RINT1: variants seen among roughly 807,000 people sequenced by gnomAD.
The protein encoded by RINT1 is RAD50-interacting protein 1.
In RINT1, 75 loss-of-function variants were observed where a neutral mutation model predicts 97.7. The ratio of observed to expected loss-of-function variants is 0.77; its 90% CI spans 0.64 to 0.93. The LOEUF (loss-of-function observed/expected upper bound fraction) is 0.93. RINT1 is among the 40% of genes least tolerant of loss of function. The probability of loss-of-function intolerance (pLI) is 0.00; values close to 1 mark genes in which losing one functional copy is unlikely to be tolerated. For missense variants in RINT1, 892 were observed against 925.2 expected (o/e 0.96, Z 0.47); for synonymous variants, 303 against 326.3 (o/e 0.93, Z 0.77).
chr7:105,557,138 A>G (rs980867081), intron 11 of RINT1, among the ~76,000 whole-genome samples: 3 of 152,106 alleles, frequency 2.0e-5, no homozygotes, highest in African/African-American at 7.2e-5. Context: ...AAAGAAACTA[A>G]CTATACGGAA....
Position 105,550,380 on chromosome 7 carries a change from A to T in RINT1, c.1227A>T (p.Glu409Asp). ...CHLVDEVLLF[E>D]RELHSVHGYP... ...TGGTGGATGAAGTACTCTTGTTTGAAAGGGAGCTACACAGTGTTCATGGCT... is the reference window on the plus strand; with the variant it reads ...TGGTGGATGAAGTACTCTTGTTTGATAGGGAGCTACACAGTGTTCATGGCT... Residue 409 changes from glutamate to aspartate, a missense_variant, in exon 9 of 15, where the codon GAA becomes GAT. Glu to Asp is a conservative substitution (Grantham distance 45, BLOSUM62 2). Transcript: ENST00000257700. 1 of 1,614,114 alleles carries T rather than the reference A, an allele frequency of 6.2e-7. No homozygotes were observed. The highest frequency in any genetic ancestry group is 8.5e-7 in the Non-Finnish European group (1 of 1,180,014).
chr7:105,535,703 C>A (rs1790204799), intron 2 of RINT1: 3 of 360,712 alleles, frequency 8.3e-6, no homozygotes, highest in Non-Finnish European at 1.6e-5. Flanking sequence ...TGTGTTCCAC[C>A]ATTCCTGGCT....
chr7:105,563,175 G>C (rs1791514364), intron 11 of RINT1, among the ~76,000 whole-genome samples: 2 of 152,120 alleles, frequency 1.3e-5, no homozygotes, highest in Non-Finnish European at 2.9e-5. Context: ...TACGTTGTAT[G>C]ATTTCATTTA....
Position 105,544,519 on chromosome 7 carries a change from C to A in RINT1, c.515+1870C>A, listed in dbSNP as rs566633463. Among the ~76,000 whole-genome samples, 28 of 152,084 alleles carry A rather than the reference C, an allele frequency of 1.8e-4. No homozygotes were observed. The South Asian group carries it at 5.2e-3, about 28-fold the overall frequency. On this transcript the variant is annotated intron_variant, in intron 4 of 14. Coordinates refer to ENST00000257700, the MANE Select transcript of RINT1 (RefSeq NM_021930.6). ...GCACAATCTCAGCTCACTGCAACCT[C>A]CACCTCCCGGGTTCAAGCGATTCTC... is the stretch of plus-strand genomic sequence containing the variant.
At chr7:105,535,540 CTTTT>C (rs1562839060) in intron 2 of RINT1, 2 of 450,586 alleles carry the variant, frequency 4.4e-6, no homozygotes, top group East Asian at 7.0e-5. Context: ...ACCTTTTTTA[CTTTT>C]TTGTTTGTTT....
At chr7:105,566,239 A>G (rs1791734831) in intron 14 of RINT1, 1 of 148,202 alleles carries the variant, frequency 6.7e-6, no homozygotes, top group Non-Finnish European at 1.5e-5. Flanking sequence ...GACTGTCTCA[A>G]AAAAAAAAAA....
intron 11 of RINT1, among the ~76,000 whole-genome samples, chr7:105,556,176 C>T (rs1314163814): frequency 1.3e-5 from 2 of 151,296 alleles, no homozygotes; most frequent in Non-Finnish European, 2.9e-5. Context: ...AAGGGATTAT[C>T]CTGCCTCAGC....
chr7:105,567,570 A>G lies in RINT1; in HGVS notation c.*259A>G. ...TATAAATGCTGAGTATGTCTGTTGA[A>G]GACGAGCAGAGATATTAAATTATAA... On this transcript the variant is annotated 3_prime_UTR_variant, in exon 15 of 15. Coordinates refer to ENST00000257700, the MANE Select transcript of RINT1 (RefSeq NM_021930.6). 1.6e-6 allele frequency: 1 copy of G among 615,562 alleles called. No homozygotes were observed. The highest frequency in any genetic ancestry group is 2.8e-5 in the East Asian group (1 of 36,212). 38.1% of individuals were successfully genotyped at this position (615,562 alleles called of 1,614,324 possible).
intron 4 of RINT1, 143 bp downstream of exon 4, chr7:105,542,792 T>C: frequency 1.1e-6 from 1 of 879,962 alleles, no homozygotes; most frequent in South Asian, 2.9e-5. Flanking sequence ...AATAGCATTA[T>C]GATAATGATT....
intron 2 of RINT1, among the ~76,000 whole-genome samples, chr7:105,534,102 A>C (rs908606382): frequency 2.0e-5 from 3 of 150,852 alleles, no homozygotes; most frequent in Admixed American, 6.6e-5. Context: ...ACTTAGTCTC[A>C]CTCTGTCTCT....
rs2133348767 is a variant in RINT1, at chr7:105,532,807, ATC to A, written c.43-15_43-14del. On this transcript the variant is annotated splice_polypyrimidine_tract_variant and intron_variant, in intron 1 of 14. Coordinates refer to ENST00000257700, the MANE Select transcript of RINT1 (RefSeq NM_021930.6). ...ACTTTAATCTTAATGTGCTTGTCAC[ATC>A]TGTTCTTCTTCTAGTGCTGCTCTGA... The A allele has an allele frequency of 6.2e-7, 1 of 1,613,904 alleles. No homozygotes were observed. The highest frequency in any genetic ancestry group is 8.5e-7 in the Non-Finnish European group (1 of 1,179,858).
chr7:105,536,770 A>C (rs1790253985), intron 3 of RINT1, 21 bp downstream of exon 3: 1 of 1,452,810 alleles, frequency 6.9e-7, no homozygotes, highest in Non-Finnish European at 9.3e-7. Context: ...AAACTCACTG[A>C]AATAATTATC....
intron 6 of RINT1, among the ~76,000 whole-genome samples, chr7:105,547,718 CTTTTT>C (rs34938925): frequency 8.6e-6 from 1 of 116,176 alleles, no homozygotes; most frequent in Non-Finnish European, 1.7e-5. Context: ...CATTTTTGTG[CTTTTT>C]TTTTTTTTTT....
chr7:105,558,875 G>A (rs561657843), intron 11 of RINT1, among the ~76,000 whole-genome samples: 59 of 152,048 alleles, frequency 3.9e-4, no homozygotes, highest in Non-Finnish European at 7.1e-4. Flanking sequence ...TGGGAAGATT[G>A]CTTGAGCCCG....
chr7:105,548,580 A>C lies in RINT1; in HGVS notation c.866A>C (p.Gln289Pro), dbSNP rs747465384. The stretch of plus-strand genomic sequence containing the variant: ...GATGAATTACTTACTGAGCCAAAGC[A>C]ACTCCCAGAAAAATACTCTCTTCCT... The part of the protein sequence containing the change: ...TSDELLTEPK[Q>P]LPEKYSLPAS... The change falls in exon 7 of 15, where the codon CAA (glutamine) becomes CCA (proline). Residue 289 changes from glutamine to proline, a missense_variant. Gln to Pro is a moderately conservative substitution (Grantham distance 76). Coordinates refer to ENST00000257700, the MANE Select transcript of RINT1 (RefSeq NM_021930.6). The C allele has an allele frequency of 2.2e-5, 36 of 1,614,048 alleles. No homozygotes were observed. The highest frequency in any genetic ancestry group is 3.0e-5 in the Non-Finnish European group (35 of 1,180,032).
rs746864752 is a variant in RINT1 at position 105,565,357 on chromosome 7, G to T, written c.1967G>T (p.Arg656Leu). Reference sequence around the variant, plus strand: ...GCTTGCCCGTTGCTGCTGACGTTACGAGACCATTTACTTCAGTTGGAGCAG... The same window carrying T: ...GCTTGCCCGTTGCTGCTGACGTTACTAGACCATTTACTTCAGTTGGAGCAG... Reference protein sequence around the residue: ...SSACPLLLTLRDHLLQLEQQL... With the variant: ...SSACPLLLTLLDHLLQLEQQL... The change falls in exon 13 of 15, where the codon CGA becomes CTA. Residue 656 changes from arginine (R) to leucine (L), a missense_variant. Transcript: ENST00000257700. 1 of 1,614,166 alleles carries T rather than the reference G, an allele frequency of 6.2e-7. No individual in the cohort carries two copies. The highest frequency in any genetic ancestry group is 1.7e-5 in the Admixed American group (1 of 60,016).
At chr7:105,566,629 G>A (rs1226160809) in intron 14 of RINT1, 1 of 151,756 alleles carries the variant, frequency 6.6e-6, no homozygotes, top group Non-Finnish European at 1.5e-5. Flanking sequence ...GACAGAGCAA[G>A]ACCATGTCTC....
intron 10 of RINT1, 64 bp from the exon 11 acceptor site, chr7:105,554,953 GACAGTAGGGAA>G (rs1791110591): frequency 8.9e-7 from 1 of 1,125,970 alleles, no homozygotes; most frequent in African/African-American, 1.6e-5. Flanking sequence ...ACTGAAGCAG[GACAGTAGGGAA>G]AACTTATAAC....
At chr7:105,566,953 G>C in intron 14 of RINT1, 166 bp from the exon 15 acceptor site, 1 of 423,420 alleles carries the variant, frequency 2.4e-6, no homozygotes, top group Middle Eastern at 6.1e-4. Context: ...CTCTGCACCT[G>C]TGTAGTCTTA....
Sources: allele counts gnomAD v4.1 joint callset (sites outside exome capture counted in the v4.1 genomes callset), GRCh38; gene constraint gnomAD v4.1.1; transcripts MANE v1.5; gene names NCBI Gene and HGNC (gene_info 2026-07-23, HGNC 2026-07-21).